CLASP1: variants seen among roughly 807,000 people sequenced by gnomAD.
CLASP1 encodes the protein CLIP-associating protein 1.
In CLASP1, 38 loss-of-function variants were observed where a neutral mutation model predicts 192.3. The observed-to-expected ratio is 0.20, with a 90% CI of 0.15 to 0.26. The LOEUF (loss-of-function observed/expected upper bound fraction) is 0.26. Ranked by LOEUF, CLASP1 falls within the 10% of genes least tolerant of loss-of-function variation. The pLI is 1.00. For synonymous variants in CLASP1, 691 were observed against 712.8 expected, an observed-to-expected ratio of 0.97 and a Z score of 0.49; for missense variants, 1,433 against 1,932.5, an observed-to-expected ratio of 0.74 and a Z score of 4.85.
intron 20 of CLASP1, among the ~76,000 whole-genome samples, chr2:121,427,921 G>A (rs1383230614): frequency 6.6e-6 from 1 of 152,020 alleles, no homozygotes; most frequent in Non-Finnish European, 1.5e-5. Context: ...ATTAAATCAG[G>A]ACTATGAATA....
At chr2:121,557,335 C>T (rs2058655220) in intron 2 of CLASP1, among the ~76,000 whole-genome samples, 1 of 152,182 alleles carries the variant, frequency 6.6e-6, no homozygotes, top group African/African-American at 2.4e-5. Context: ...CCTGCAATCA[C>T]AGCACTTTGA....
intron 9 of CLASP1, among the ~76,000 whole-genome samples, chr2:121,463,570 T>C (rs565834910): frequency 6.6e-5 from 10 of 152,160 alleles, no homozygotes; most frequent in Admixed American, 5.9e-4. Flanking sequence ...AGGCCCTGAA[T>C]GCCTCCTTTG....
chr2:121,546,521 C>G (rs1354580855), intron 2 of CLASP1, among the ~76,000 whole-genome samples: 1 of 151,974 alleles, frequency 6.6e-6, no homozygotes, highest in Non-Finnish European at 1.5e-5. Context: ...GAAATGGAGC[C>G]AGGGGAACCT....
intron 8 of CLASP1, among the ~76,000 whole-genome samples, chr2:121,479,187 A>C (rs2092382672): frequency 6.6e-6 from 1 of 151,968 alleles, no homozygotes; most frequent in African/African-American, 2.4e-5. Flanking sequence ...CTAGCCAGGG[A>C]AATCCGACCA....
At chr2:121,530,537 G>A (rs573907052) in intron 2 of CLASP1, 3 of 551,138 alleles carry the variant, frequency 5.4e-6, no homozygotes, top group Non-Finnish European at 9.8e-6. Flanking sequence ...TACTCGGTGA[G>A]GAGAAACGAA....
At chr2:121,456,487 A>G (rs553129506) in intron 14 of CLASP1, among the ~76,000 whole-genome samples, 1 of 151,818 alleles carries the variant, frequency 6.6e-6, no homozygotes, top group Admixed American at 6.6e-5. Flanking sequence ...GAAAGCAATA[A>G]AGGAAGAAAG....
At chr2:121,605,348 T>C (rs1449557893) in intron 2 of CLASP1, among the ~76,000 whole-genome samples, 1 of 152,186 alleles carries the variant, frequency 6.6e-6, no homozygotes, top group Non-Finnish European at 1.5e-5. Flanking sequence ...TTGTTATTTA[T>C]AAAGGGCAAC....
At chr2:121,447,623 C>G (rs2084608310) in intron 18 of CLASP1, 116 bp from the exon 19 acceptor site, 1 of 897,376 alleles carries the variant, frequency 1.1e-6, no homozygotes, top group African/African-American at 1.7e-5. Context: ...TTAACAAATG[C>G]TGGAGCATAA....
intron 38 of CLASP1, among the ~76,000 whole-genome samples, chr2:121,347,523 A>G (rs956305002): frequency 1.3e-5 from 2 of 152,210 alleles, no homozygotes; most frequent in Non-Finnish European, 1.5e-5. Context: ...ATTTCTCCCA[A>G]AGGTAAACCA....
At chr2:121,636,798 G>A (rs1020029074) in intron 1 of CLASP1, among the ~76,000 whole-genome samples, 4 of 152,136 alleles carry the variant, frequency 2.6e-5, no homozygotes, top group African/African-American at 9.7e-5. Flanking sequence ...CTAAGGCATT[G>A]GAAAGATCAA....
At chr2:121,635,418 C>G (rs2070654426) in intron 1 of CLASP1, among the ~76,000 whole-genome samples, 2 of 152,016 alleles carry the variant, frequency 1.3e-5, no homozygotes, top group Non-Finnish European at 1.5e-5. Flanking sequence ...GATGAATAAC[C>G]AACACCTCAG....
At chr2:121,491,645 TG>T (rs2093312369) in intron 8 of CLASP1, among the ~76,000 whole-genome samples, 1 of 152,146 alleles carries the variant, frequency 6.6e-6, no homozygotes, top group African/African-American at 2.4e-5. Flanking sequence ...TATATGGAGA[TG>T]AAAAAAAGAA....
At chr2:121,610,683 A>G in intron 1 of CLASP1, among the ~76,000 whole-genome samples, 1 of 117,072 alleles carries the variant, frequency 8.5e-6, no homozygotes, top group Non-Finnish European at 1.7e-5. Flanking sequence ...TGGAGGAGTT[A>G]CAGGAGAAAG....
intron 25 of CLASP1, among the ~76,000 whole-genome samples, chr2:121,407,126 G>A (rs1354893788): frequency 6.6e-6 from 1 of 151,026 alleles, no homozygotes; most frequent in Non-Finnish European, 1.5e-5. Flanking sequence ...TGAGGGAGAA[G>A]AATCGCTTGA....
chr2:121,424,312 A>C lies in CLASP1; in HGVS notation c.2212+827T>G, dbSNP rs555218375. Reference sequence around the variant, plus strand: ...ATCTTCTAATTCTCAGGTCTAACAAAGTGCCTGGTACATCACAGTAAACAC... The same window carrying C: ...ATCTTCTAATTCTCAGGTCTAACAACGTGCCTGGTACATCACAGTAAACAC... On this transcript the variant is annotated intron_variant, in intron 22 of 39. Transcript: ENST00000263710. Among the ~76,000 whole-genome samples the C allele has an allele frequency of 7.9e-5, 12 of 152,362 alleles. No individual in the cohort carries two copies. The South Asian group carries it at 2.5e-3, about 32-fold the overall frequency.
At chr2:121,523,869 G>T (rs1263355391) in intron 6 of CLASP1, among the ~76,000 whole-genome samples, 1 of 152,220 alleles carries the variant, frequency 6.6e-6, no homozygotes, top group Admixed American at 6.5e-5. Flanking sequence ...CACAGCATGA[G>T]CTCTCGCTAA....
At chr2:121,453,364 T>C (rs2085943331) in intron 14 of CLASP1, among the ~76,000 whole-genome samples, 1 of 152,114 alleles carries the variant, frequency 6.6e-6, no homozygotes, top group African/African-American at 2.4e-5. Flanking sequence ...GATCCAATGA[T>C]AACCAAGACA....
intron 1 of CLASP1, among the ~76,000 whole-genome samples, chr2:121,643,823 C>A (rs1036208501): frequency 6.6e-6 from 1 of 152,112 alleles, no homozygotes; most frequent in Non-Finnish European, 1.5e-5. Flanking sequence ...AATGATATCA[C>A]GAATGTAAAG....
intron 37 of CLASP1, among the ~76,000 whole-genome samples, chr2:121,357,939 G>A (rs1314477550): frequency 1.3e-5 from 2 of 151,986 alleles, no homozygotes; most frequent in African/African-American, 4.8e-5. Context: ...ACTCCCTAAG[G>A]AACTCTTCCT....
Sources: allele counts gnomAD v4.1 joint callset (sites outside exome capture counted in the v4.1 genomes callset), GRCh38; gene constraint gnomAD v4.1.1; transcripts MANE v1.5; gene names NCBI Gene and HGNC (gene_info 2026-07-23, HGNC 2026-07-21).